The following XKR6 variants were observed in gnomAD, a reference collection of about 807,000 sequenced individuals.
XKR6 encodes the protein XK-related protein 6.
A neutral mutation model predicts 56.7 loss-of-function variants in XKR6; 22 were observed. The ratio of observed to expected loss-of-function variants is 0.39; its 90% CI spans 0.28 to 0.55. The LOEUF is 0.55. Ranked by LOEUF, XKR6 falls within the 20% of genes least tolerant of loss-of-function variation. The pLI is 0.66. For missense variants in XKR6, 852 were observed against 889.0 expected (o/e 0.96, Z 0.53); for synonymous variants, 524 against 387.8 (o/e 1.35, Z -4.13).
intron 1 of XKR6, among the ~76,000 whole-genome samples, chr8:11,083,150 G>A (rs1797782657): frequency 6.6e-6 from 1 of 152,150 alleles, no homozygotes; most frequent in South Asian, 2.1e-4. Context: ...CAGCCAGTGG[G>A]AGCCCAGCAC....
chr8:11,054,876 G>A (rs1179027399), intron 1 of XKR6, among the ~76,000 whole-genome samples: 2 of 152,202 alleles, frequency 1.3e-5, no homozygotes, highest in African/African-American at 4.8e-5. Context: ...TCACACTAAG[G>A]TGAGCCACCC....
At chr8:11,054,039 G>A (rs894279674) in intron 1 of XKR6, among the ~76,000 whole-genome samples, 10 of 152,182 alleles carry the variant, frequency 6.6e-5, no homozygotes, top group Non-Finnish European at 1.5e-5. Flanking sequence ...CTAACATTAT[G>A]TGATAACACT....
At chr8:11,095,630 T>A (rs970046609) in intron 1 of XKR6, among the ~76,000 whole-genome samples, 1 of 152,196 alleles carries the variant, frequency 6.6e-6, no homozygotes, top group Non-Finnish European at 1.5e-5. Context: ...TGCCAATAAA[T>A]CTAATGAGTA....
chr8:11,129,680 A>T (rs1342806214), intron 1 of XKR6, among the ~76,000 whole-genome samples: 1 of 152,232 alleles, frequency 6.6e-6, no homozygotes, highest in African/African-American at 2.4e-5. Context: ...TTCTACCAGA[A>T]TTTAAATTTA....
intron 1 of XKR6, among the ~76,000 whole-genome samples, chr8:11,042,926 C>G (rs574631726): frequency 3.9e-5 from 6 of 152,082 alleles, no homozygotes; most frequent in Admixed American, 6.5e-5. Context: ...TGCCAGGTCT[C>G]TGGAACTCAG....
chr8:11,052,614 G>C (rs977034357), intron 1 of XKR6, among the ~76,000 whole-genome samples: 1 of 152,068 alleles, frequency 6.6e-6, no homozygotes, highest in Non-Finnish European at 1.5e-5. Flanking sequence ...CTGGCCTGTG[G>C]GGGAGCCCAG....
chr8:11,082,546 T>C (rs1202178384), intron 1 of XKR6, among the ~76,000 whole-genome samples: 1 of 152,252 alleles, frequency 6.6e-6, no homozygotes, highest in Non-Finnish European at 1.5e-5. Context: ...TCTGTCCTTC[T>C]GACTAGGTTA....
At chr8:11,165,090 CTTTTTTTT>C (rs35783491) in intron 1 of XKR6, among the ~76,000 whole-genome samples, 7 of 82,470 alleles carry the variant, frequency 8.5e-5, no homozygotes, top group African/African-American at 1.6e-4. Flanking sequence ...AGGCTATCAC[CTTTTTTTT>C]TTTTTTTTTT....
chr8:11,130,376 G>T (rs531260953), intron 1 of XKR6, among the ~76,000 whole-genome samples: 3 of 152,230 alleles, frequency 2.0e-5, no homozygotes, highest in African/African-American at 7.2e-5. Context: ...TCTACACTAA[G>T]CCACGTAGTA....
chr8:11,104,425 T>C (rs1248789669), intron 1 of XKR6, among the ~76,000 whole-genome samples: 1 of 152,210 alleles, frequency 6.6e-6, no homozygotes, highest in Non-Finnish European at 1.5e-5. Flanking sequence ...TGGCACTCAA[T>C]CGGGCGAGAT....
chr8:10,920,437 C>T (rs1800676511), intron 2 of XKR6, among the ~76,000 whole-genome samples: 1 of 152,246 alleles, frequency 6.6e-6, no homozygotes, highest in Non-Finnish European at 1.5e-5. Flanking sequence ...TAATGTCAAA[C>T]AACTGTCAAG....
Position 11,201,293 on chromosome 8 carries a change from T to C in XKR6, c.47A>G (p.Gln16Arg), listed in dbSNP as rs746512092. Residue 16 changes from glutamine (Q) to arginine (R), a missense_variant, in exon 1 of 3, where the codon CAG becomes CGG. Transcript: ENST00000416569. Reference sequence around the variant, plus strand: ...CACCGCCTCGTCCAGGTTGTGCAGCTGAGCGAAGCCCACCCCCACGCCACC... The same window carrying C: ...CACCGCCTCGTCCAGGTTGTGCAGCCGAGCGAAGCCCACCCCCACGCCACC... ...DGGGVGVGFAQLHNLDEAVGS... is the reference protein window; with the variant it reads ...DGGGVGVGFARLHNLDEAVGS... 4 of 1,564,590 alleles carry C rather than the reference T, an allele frequency of 2.6e-6. No individual in the cohort carries two copies. Among genetic ancestry groups the C allele is most frequent in the Non-Finnish European group, 3.4e-6 (4 of 1,163,750 alleles).
intron 1 of XKR6, among the ~76,000 whole-genome samples, chr8:11,157,795 G>C (rs1485561451): frequency 6.6e-6 from 1 of 152,146 alleles, no homozygotes; most frequent in African/African-American, 2.4e-5. Context: ...GATTACAGGC[G>C]TGAGCCACCA....
At chr8:11,142,070 G>T (rs1800731405) in intron 1 of XKR6, among the ~76,000 whole-genome samples, 1 of 150,020 alleles carries the variant, frequency 6.7e-6, no homozygotes, top group African/African-American at 2.5e-5. Flanking sequence ...AAGTTGTTCT[G>T]AACTTGAAGT....
intron 1 of XKR6, among the ~76,000 whole-genome samples, chr8:11,119,826 A>C (rs1001102637): frequency 4.6e-5 from 7 of 152,226 alleles, no homozygotes; most frequent in Non-Finnish European, 8.8e-5. Context: ...CACATCAAAA[A>C]GCTTATCCAC....
chr8:10,991,250 G>A (rs963097937), intron 1 of XKR6, among the ~76,000 whole-genome samples: 3 of 152,044 alleles, frequency 2.0e-5, no homozygotes, highest in East Asian at 3.9e-4. Flanking sequence ...GAGTAGGGGG[G>A]AAATGCTGGT....
chr8:10,896,175 C>T lies in XKR6; in HGVS notation c.*1777G>A, dbSNP rs34964223. On this transcript the variant is annotated 3_prime_UTR_variant, in exon 3 of 3. Coordinates refer to ENST00000416569, the MANE Select transcript of XKR6 (RefSeq NM_173683.4). Reference sequence around the variant, plus strand: ...TTTGTGCCCAAGTAGAGATACGATGCGATTGAAACGATGCCCTAGAACAGA... The same window carrying T: ...TTTGTGCCCAAGTAGAGATACGATGTGATTGAAACGATGCCCTAGAACAGA... 224 of 147,074 alleles carry T rather than the reference C, an allele frequency of 1.5e-3. No homozygotes were observed. Among genetic ancestry groups the T allele is most frequent in the Non-Finnish European group, 2.4e-3 (162 of 67,184 alleles). 9.1% of individuals were successfully genotyped at this position (147,074 alleles called of 1,614,324 possible). A position where few individuals can be genotyped will look rare whatever the true frequency, so the allele number is the denominator to read the frequency against.
chr8:11,189,736 G>A (rs1803452002), intron 1 of XKR6, among the ~76,000 whole-genome samples: 1 of 152,152 alleles, frequency 6.6e-6, no homozygotes, highest in Non-Finnish European at 1.5e-5. Flanking sequence ...GGAACTTTCT[G>A]AAAACCTAGA....
At chr8:11,050,046 G>A (rs951579498) in intron 1 of XKR6, among the ~76,000 whole-genome samples, 1 of 152,128 alleles carries the variant, frequency 6.6e-6, no homozygotes, top group African/African-American at 2.4e-5. Context: ...CCCTGGCCTT[G>A]AGCAACACGC....
Sources: allele counts gnomAD v4.1 joint callset (sites outside exome capture counted in the v4.1 genomes callset), GRCh38; gene constraint gnomAD v4.1.1; transcripts MANE v1.5; gene names NCBI Gene and HGNC (gene_info 2026-07-23, HGNC 2026-07-21).